Variants in CSRP1 observed in about 807,000 individuals in gnomAD.
The protein encoded by CSRP1 is cysteine and glycine rich protein 1, also known as cysteine and glycine-rich protein 1.
Under a neutral mutation model 25.4 loss-of-function variants are expected in CSRP1, and 16 were observed. The ratio of observed to expected loss-of-function variants is 0.63; its 90% CI spans 0.43 to 0.96. The LOEUF (loss-of-function observed/expected upper bound fraction) is 0.96, where lower values mean the gene tolerates loss of function less well. Among genes scored for constraint, CSRP1 ranks in the 40% least tolerant of loss-of-function variants. The pLI is 0.00. For synonymous variants in CSRP1, 97 were observed against 95.3 expected (o/e 1.02, Z -0.10); for missense variants, 212 against 243.6 (o/e 0.87, Z 0.86).
intron 1 of CSRP1, 122 bp from the exon 2 acceptor site, chr1:201,496,426 G>T: frequency 1.3e-6 from 1 of 799,292 alleles, no homozygotes; most frequent in Non-Finnish European, 2.1e-6. Context: ...GAATGCCTGG[G>T]GGGCCACCAG....
At chr1:201,499,604 A>G (rs2102414124) in intron 1 of CSRP1, among the ~76,000 whole-genome samples, 1 of 152,220 alleles carries the variant, frequency 6.6e-6, no homozygotes, top group East Asian at 1.9e-4. Context: ...CAGATGGCTC[A>G]TCTGCATCAT....
At chr1:201,486,794 C>T (rs1664159666) in intron 4 of CSRP1, 1 of 1,060,798 alleles carries the variant, frequency 9.4e-7, no homozygotes, top group African/African-American at 1.7e-5. Flanking sequence ...ACCTTTTCCA[C>T]TTGAATGCAA....
At chr1:201,488,828 C>A in intron 4 of CSRP1, 27 bp downstream of exon 4, 1 of 1,609,018 alleles carries the variant, frequency 6.2e-7, no homozygotes. Context: ...CTCCCCCCAT[C>A]CCTCTCATGC....
chr1:201,493,522 T>C (rs139440826), intron 2 of CSRP1, among the ~76,000 whole-genome samples: 2,407 of 152,370 alleles, frequency 0.016, 29 homozygotes, highest in Non-Finnish European at 0.026. Flanking sequence ...CCTTCTGCCA[T>C]GATTGTGAGG....
rs1372740599 is a variant in CSRP1, at chr1:201,488,580, T to C, written c.411+275A>G. On this transcript the variant is annotated intron_variant, in intron 4 of 5. Coordinates refer to ENST00000340006, the MANE Select transcript of CSRP1 (RefSeq NM_004078.3). Reference sequence around the variant, plus strand: ...CCCATCCACGTACCCTTACTTTCTGTTCTCCTATATTAGAGATACAGATTG... The same window carrying C: ...CCCATCCACGTACCCTTACTTTCTGCTCTCCTATATTAGAGATACAGATTG... 3 of 248,950 alleles carry C rather than the reference T, an allele frequency of 1.2e-5. No individual in the cohort carries two copies. In the East Asian group the frequency reaches 2.5e-4, roughly 21 times the overall value. The allele number at this position is 248,950 out of a possible 1,614,324, so 15.4% of individuals were successfully genotyped here.
chr1:201,493,424 C>T (rs1220793320), intron 2 of CSRP1, among the ~76,000 whole-genome samples: 1 of 152,214 alleles, frequency 6.6e-6, no homozygotes, highest in Non-Finnish European at 1.5e-5. Context: ...AAAAGTCTTA[C>T]AAGATCTGAT....
At chr1:201,485,080 C>A (rs1664091834) in intron 5 of CSRP1, among the ~76,000 whole-genome samples, 1 of 152,010 alleles carries the variant, frequency 6.6e-6, no homozygotes, top group Non-Finnish European at 1.5e-5. Flanking sequence ...CCTATGCCTG[C>A]CTCAATTTGC....
rs1022701716 is a variant in CSRP1 at position 201,483,652 on chromosome 1, C to G, written c.*1061G>C. The G allele has an allele frequency of 8.2e-6, 2 of 244,776 alleles. No homozygotes were observed. The highest frequency in any genetic ancestry group is 2.1e-5 in the African/African-American group (1 of 46,704). 15.2% of individuals were successfully genotyped at this position (244,776 alleles called of 1,614,324 possible). Reference sequence around the variant, plus strand: ...CTTTCAGTTGCTGGGAGCGGTGAGGCCCAGCCCTTTCCCCTTCCTCCCACC... The same window carrying G: ...CTTTCAGTTGCTGGGAGCGGTGAGGGCCAGCCCTTTCCCCTTCCTCCCACC... On this transcript the variant is annotated 3_prime_UTR_variant, in exon 6 of 6. Transcript: ENST00000340006.
intron 1 of CSRP1, among the ~76,000 whole-genome samples, chr1:201,499,972 C>T (rs1031217123): frequency 1.3e-5 from 2 of 152,118 alleles, no homozygotes; most frequent in African/African-American, 2.4e-5. Flanking sequence ...TGTATGCCCA[C>T]CTTACAGACA....
Position 201,484,131 on chromosome 1 carries a change from G to C in CSRP1, c.*582C>G. The C allele has an allele frequency of 1.5e-6, 1 of 655,360 alleles. No individual in the cohort carries two copies. 40.6% of individuals were successfully genotyped at this position (655,360 alleles called of 1,614,324 possible). A position where few individuals can be genotyped will look rare whatever the true frequency, so the allele number is the denominator to read the frequency against. Reference sequence around the variant, plus strand: ...ATTCCACAAAGACTCAAAGGCAAGAGGCCTGGAGAAGCAGGGGCTCCTAGG... The same window carrying C: ...ATTCCACAAAGACTCAAAGGCAAGACGCCTGGAGAAGCAGGGGCTCCTAGG... On this transcript the variant is annotated 3_prime_UTR_variant, in exon 6 of 6. Coordinates refer to ENST00000340006, the MANE Select transcript of CSRP1 (RefSeq NM_004078.3).
At chr1:201,488,679 C>G (rs925855524) in intron 4 of CSRP1, 176 bp downstream of exon 4, 56 of 612,128 alleles carry the variant, frequency 9.1e-5, no homozygotes, top group Non-Finnish European at 1.4e-5. Flanking sequence ...CTGATATGAG[C>G]TCCTTGGAGA....
intron 4 of CSRP1, chr1:201,486,468 T>C: frequency 5.1e-6 from 5 of 985,594 alleles, no homozygotes; most frequent in Non-Finnish European, 6.0e-6. Flanking sequence ...CCCTCAGATT[T>C]CCTGGTTGCC....
At chr1:201,501,105 C>T (rs1392031763) in intron 1 of CSRP1, among the ~76,000 whole-genome samples, 3 of 152,246 alleles carry the variant, frequency 2.0e-5, no homozygotes, top group Non-Finnish European at 2.9e-5. Flanking sequence ...TATGGACTCC[C>T]TAAAATTCAG....
intron 4 of CSRP1, 189 bp from the exon 5 acceptor site, chr1:201,485,565 G>A (rs868327760): frequency 2.2e-5 from 13 of 585,690 alleles, no homozygotes; most frequent in Admixed American, 2.9e-5. Context: ...GGGACCACAC[G>A]CCACCTCGCA....
At chr1:201,487,151 C>A in intron 4 of CSRP1, 1 of 439,106 alleles carries the variant, frequency 2.3e-6, no homozygotes, top group South Asian at 2.3e-5. Context: ...GTAGCTCACA[C>A]CTGTAATCCC....
rs1571776821 is a variant in CSRP1 at position 201,490,244 on chromosome 1, A to G, written c.213T>C (p.Tyr71=). ...GGGTGCCTGCGCCCTGCCCGTAGCC[A>G]TAGCCTTTGGGCCCATACTTCTTGC... ...CYGKKYGPKG[Y]GYGQGAGTLS... Residue 71 remains tyrosine (Y), a synonymous_variant, in exon 3 of 6, where the codon TAT becomes TAC. Transcript: ENST00000340006. The G allele has an allele frequency of 6.2e-7, 1 of 1,614,184 alleles. No homozygotes were observed. The highest frequency in any genetic ancestry group is 8.5e-7 in the Non-Finnish European group (1 of 1,180,030).
chr1:201,490,774 T>C (rs181086374), intron 2 of CSRP1: 44 of 158,402 alleles, frequency 2.8e-4, no homozygotes, highest in Non-Finnish European at 4.9e-4. Flanking sequence ...GCAGTTTTCC[T>C]GCCTTCAACA....
At chr1:201,493,417 A>T (rs1472730081) in intron 2 of CSRP1, among the ~76,000 whole-genome samples, 1 of 152,226 alleles carries the variant, frequency 6.6e-6, no homozygotes, top group Admixed American at 6.5e-5. Flanking sequence ...ATAGTGAAAA[A>T]GTCTTACAAG....
intron 1 of CSRP1, among the ~76,000 whole-genome samples, chr1:201,503,068 C>A (rs1231475257): frequency 1.3e-5 from 2 of 152,086 alleles, no homozygotes; most frequent in Non-Finnish European, 2.9e-5. Context: ...ATTGCTTGAA[C>A]CCGGAGGCAG....
Sources: gnomAD v4.1 joint callset for allele counts (sites outside exome capture counted in the v4.1 genomes callset) on GRCh38, gnomAD v4.1.1 for gene constraint, MANE v1.5 for transcripts, NCBI Gene and HGNC (gene_info 2026-07-23, HGNC 2026-07-21) for gene names.